TMBIM4: variants seen among roughly 807,000 people sequenced by gnomAD.
TMBIM4 encodes protein lifeguard 4.
In TMBIM4, 28 loss-of-function variants were observed where a neutral mutation model predicts 27.7. That is an observed-to-expected ratio of 1.01 (90% CI 0.75 to 1.38). TMBIM4 has a LOEUF of 1.38. TMBIM4 is among the 40% of genes most tolerant of loss of function. TMBIM4 has a pLI of 0.00. For missense variants in TMBIM4, 265 were observed against 277.5 expected, an observed-to-expected ratio of 0.95 and a Z score of 0.32; for synonymous variants, 115 against 113.1, an observed-to-expected ratio of 1.02 and a Z score of -0.11.
At chr12:66,142,449 G>T (rs1344323047) in intron 5 of TMBIM4, among the ~76,000 whole-genome samples, 2 of 150,008 alleles carry the variant, frequency 1.3e-5, no homozygotes, top group Non-Finnish European at 3.0e-5. Context: ...CAGTTTCATG[G>T]ATGCATCAAG....
At chr12:66,163,552 A>G (rs535234771) in intron 1 of TMBIM4, among the ~76,000 whole-genome samples, 1 of 152,148 alleles carries the variant, frequency 6.6e-6, no homozygotes, top group South Asian at 2.1e-4. Flanking sequence ...CCCTTATAAA[A>G]CCATCAGATC....
At chr12:66,141,363 T>C (rs1047713271) in intron 5 of TMBIM4, among the ~76,000 whole-genome samples, 1 of 152,082 alleles carries the variant, frequency 6.6e-6, no homozygotes, top group African/African-American at 2.4e-5. Context: ...CATAAAATGG[T>C]ATATTATTTG....
Position 66,153,454 on chromosome 12 carries a change from A to G in TMBIM4, c.98-6T>C. On this transcript the variant is annotated splice_polypyrimidine_tract_variant and splice_region_variant and intron_variant, in intron 1 of 6. Coordinates refer to ENST00000358230, the MANE Select transcript of TMBIM4 (RefSeq NM_016056.4). ...GTAGACTTTTCTCAGAAAGGCTAAA[A>G]GAGAAAAAAAATTACATTACTATTT... The G allele has an allele frequency of 1.3e-6, 2 of 1,483,050 alleles. No individual in the cohort carries two copies. Among genetic ancestry groups the G allele is most frequent in the Non-Finnish European group, 1.8e-6 (2 of 1,087,392 alleles). The allele number at this position is 1,483,050 out of a possible 1,614,324, so 91.9% of individuals were successfully genotyped here. A position where few individuals can be genotyped will look rare whatever the true frequency, so the allele number is the denominator to read the frequency against.
At chr12:66,165,102 C>G (rs1421095484) in intron 1 of TMBIM4, among the ~76,000 whole-genome samples, 6 of 152,112 alleles carry the variant, frequency 3.9e-5, no homozygotes, top group Non-Finnish European at 8.8e-5. Context: ...CATCATTATA[C>G]ATTGGAAAAC....
At chr12:66,167,046 T>C (rs2052143301) in intron 1 of TMBIM4, among the ~76,000 whole-genome samples, 1 of 152,200 alleles carries the variant, frequency 6.6e-6, no homozygotes, top group Non-Finnish European at 1.5e-5. Flanking sequence ...AAAGGTTACA[T>C]GATAATTCCA....
In TMBIM4 at chr12:66,138,155, A is replaced by AT. The variant is rs1210081070; in HGVS notation, c.521dup (p.Tyr174Ter). The AT allele has an allele frequency of 3.7e-6, 6 of 1,609,354 alleles. No individual in the cohort carries two copies. Among genetic ancestry groups the AT allele is most frequent in the Non-Finnish European group, 5.1e-6 (6 of 1,178,470 alleles). ...CTAAGACCAACTCCATTATCTCACTATAAAAAAAAAACTATAGGGAAGAGA... is the reference window on the plus strand; with the variant it reads ...CTAAGACCAACTCCATTATCTCACTATTAAAAAAAAAACTATAGGGAAGAGA... ...CLSGFLKFFF[Y>*]SEIMELVLAA... Residue 174 changes from tyrosine to a stop codon, truncating the protein, a stop_gained and frameshift_variant, in exon 7 of 7, where the codon TAT becomes TAAT. Coordinates refer to ENST00000358230, the MANE Select transcript of TMBIM4 (RefSeq NM_016056.4). LOFTEE classifies it high-confidence loss of function.
intron 1 of TMBIM4, among the ~76,000 whole-genome samples, chr12:66,162,519 C>T (rs1022722457): frequency 1.3e-5 from 2 of 152,174 alleles, no homozygotes; most frequent in African/African-American, 4.8e-5. Context: ...AACTAAATCA[C>T]AGTCGAGGGG....
chr12:66,157,113 G>A (rs949987574), intron 1 of TMBIM4, among the ~76,000 whole-genome samples: 1 of 152,032 alleles, frequency 6.6e-6, no homozygotes, highest in Admixed American at 6.5e-5. Flanking sequence ...ATCGCCCTTT[G>A]GAAGGATATA....
At chr12:66,158,643 T>C (rs1256347827) in intron 1 of TMBIM4, among the ~76,000 whole-genome samples, 1 of 127,638 alleles carries the variant, frequency 7.8e-6, no homozygotes, top group Non-Finnish European at 1.7e-5. Context: ...AGACTCTGTC[T>C]CAAAAAAAAA....
chr12:66,160,098 C>T (rs1184833534), intron 1 of TMBIM4: 1 of 664,208 alleles, frequency 1.5e-6, no homozygotes, highest in South Asian at 1.7e-5. Flanking sequence ...ACTGCTTTTG[C>T]ACAATGGCAG....
chr12:66,162,543 C>T, intron 1 of TMBIM4, among the ~76,000 whole-genome samples: 1 of 152,162 alleles, frequency 6.6e-6, no homozygotes, highest in East Asian at 1.9e-4. Context: ...GGGGAAAACT[C>T]ATTTGGGGTG....
chr12:66,139,735 A>C (rs1369889039), intron 5 of TMBIM4: 1 of 456,070 alleles, frequency 2.2e-6, no homozygotes, highest in Non-Finnish European at 4.4e-6. Context: ...CTGTAGCTAC[A>C]TTCTGATTAA....
Position 66,138,737 on chromosome 12 carries a change from G to T in TMBIM4, c.497C>A (p.Ser166Ter). 1 of 1,550,064 alleles carries T rather than the reference G, an allele frequency of 6.5e-7. No individual in the cohort carries two copies. Reference protein sequence around the residue: ...LFALLWILCLSGFLKFFFYSE... With the variant: ...LFALLWILCL ...AACATAACTTACCTTCAAGAATCCT[G>T]ACAGGCACAATATCCACAAAAGAGC... The change falls in exon 6 of 7, where the codon TCA (serine) becomes TAA (stop). Residue 166 changes from serine (S) to a stop codon, truncating the protein, a stop_gained. Transcript: ENST00000358230. LOFTEE classifies it high-confidence loss of function.
chr12:66,138,208 C>T (rs1172689609), intron 6 of TMBIM4, 42 bp from the exon 7 acceptor site: 1 of 1,573,870 alleles, frequency 6.4e-7, no homozygotes, highest in Admixed American at 1.9e-5. Flanking sequence ...TATTTGAGAA[C>T]AGTATTAACA....
chr12:66,167,730 CACACAAT>C (rs2052155948), intron 1 of TMBIM4, among the ~76,000 whole-genome samples: 1 of 152,126 alleles, frequency 6.6e-6, no homozygotes, highest in South Asian at 2.1e-4. Flanking sequence ...ATAGAACTAC[CACACAAT>C]CCAGCAATTC....
intron 5 of TMBIM4, among the ~76,000 whole-genome samples, chr12:66,142,279 G>T (rs1051533489): frequency 6.6e-6 from 1 of 151,526 alleles, no homozygotes; most frequent in Admixed American, 6.6e-5. Flanking sequence ...TCACAACATA[G>T]ATCCTTCAGG....
chr12:66,140,491 C>A (rs1005972731), intron 5 of TMBIM4, among the ~76,000 whole-genome samples: 1 of 151,816 alleles, frequency 6.6e-6, no homozygotes, highest in Non-Finnish European at 1.5e-5. Context: ...ACAAAAAAAA[C>A]AGAACAGTGA....
intron 3 of TMBIM4, among the ~76,000 whole-genome samples, chr12:66,151,514 C>G (rs1280732222): frequency 6.6e-6 from 1 of 152,220 alleles, no homozygotes; most frequent in Non-Finnish European, 1.5e-5. Flanking sequence ...GCTGGGATTA[C>G]AGGCATGAGC....
chr12:66,166,317 T>C (rs1334638495), intron 1 of TMBIM4, among the ~76,000 whole-genome samples: 2 of 151,704 alleles, frequency 1.3e-5, no homozygotes, highest in South Asian at 2.1e-4. Flanking sequence ...TATAAAAAAT[T>C]AGCTAGGCAT....
Sources: allele counts gnomAD v4.1 joint callset (sites outside exome capture counted in the v4.1 genomes callset), GRCh38; gene constraint gnomAD v4.1.1; transcripts MANE v1.5; gene names NCBI Gene and HGNC (gene_info 2026-07-23, HGNC 2026-07-21).